The following TENM1 variants were observed in gnomAD, a reference collection of about 807,000 sequenced individuals.
TENM1 encodes teneurin transmembrane protein 1.
Under a neutral mutation model 174.8 loss-of-function variants are expected in TENM1, and 35 were observed. That is an observed-to-expected ratio of 0.20 (90% confidence interval 0.15 to 0.27). The LOEUF (loss-of-function observed/expected upper bound fraction) is 0.27, where lower values mean the gene tolerates loss of function less well. TENM1 is among the 10% of genes least tolerant of loss of function. TENM1 has a pLI of 1.00. For synonymous variants in TENM1, 781 were observed against 798.7 expected (o/e 0.98, Z 0.37); for missense variants, 1,633 against 2,130.1 (o/e 0.77, Z 4.59).
chrX:124,400,815 G>T (rs2060390632), intron 27 of TENM1, among the ~76,000 whole-genome samples: 1 of 112,053 alleles, frequency 8.9e-6, no homozygotes, highest in Admixed American at 9.4e-5. Context: ...ATTGTTATCT[G>T]CACTCTAATT....
chrX:124,601,319 C>T (rs1268248664), intron 11 of TENM1, among the ~76,000 whole-genome samples: 3 of 110,682 alleles, frequency 2.7e-5, no homozygotes, highest in Non-Finnish European at 3.8e-5. Context: ...GTCAAACTTA[C>T]GTGTGAGAGA....
intron 3 of TENM1, among the ~76,000 whole-genome samples, chrX:124,882,427 T>C (rs908359550): frequency 2.7e-5 from 3 of 111,826 alleles, no homozygotes; most frequent in African/African-American, 9.8e-5. Context: ...TCTCTCTAGA[T>C]GATCTGTCTA....
rs1392342450 is a variant in TENM1 at position 124,420,690 on chromosome X, G to C, written c.4603C>G (p.Leu1535Val). The change falls in exon 25 of 32, where the codon CTG (leucine) becomes GTG (valine). Residue 1535 changes from leucine (L) to valine (V), a missense_variant. By Grantham distance (32) the Leu-to-Val change is conservative (BLOSUM62 1). Transcript: ENST00000422452. ...ATCTCATAAATGTTCATGTCATTCA[G>C]GTGGGCTTGGTTCCTGCTGATGGTA... 6 of 1,210,179 alleles carry C rather than the reference G, an allele frequency of 5.0e-6. No individual in the cohort carries two copies. The highest frequency in any genetic ancestry group is 2.2e-5 in the Admixed American group (1 of 45,804).
chrX:124,502,185 A>G (rs1315742592), intron 19 of TENM1, among the ~76,000 whole-genome samples: 1 of 112,653 alleles, frequency 8.9e-6, no homozygotes, highest in African/African-American at 3.2e-5. Context: ...TGTATAAATT[A>G]TACTTCAATA....
chrX:125,175,751 G>A, the TENM1 span, among the ~76,000 whole-genome samples: 1 of 110,491 alleles, frequency 9.1e-6, no homozygotes, highest in Admixed American at 9.7e-5. Flanking sequence ...AAAAAATAAG[G>A]GGAGGCGAAA....
chrX:124,814,660 T>C (rs1298122208), intron 3 of TENM1, among the ~76,000 whole-genome samples: 1 of 111,569 alleles, frequency 9.0e-6, no homozygotes, highest in Non-Finnish European at 1.9e-5. Flanking sequence ...AGTTCTTCCA[T>C]GGCCTGCGTA....
At chrX:124,949,174 T>C (rs915108698) in intron 1 of TENM1, among the ~76,000 whole-genome samples, 1 of 111,242 alleles carries the variant, frequency 9.0e-6, no homozygotes, top group African/African-American at 3.3e-5. Context: ...TGGCTGAAAC[T>C]GGCAATCTGT....
At chrX:124,804,042 T>G (rs967091949) in intron 3 of TENM1, among the ~76,000 whole-genome samples, 1 of 111,933 alleles carries the variant, frequency 8.9e-6, no homozygotes, top group Non-Finnish European at 1.9e-5. Context: ...AAATCTTAAT[T>G]GGCAGTAATT....
intron 23 of TENM1, among the ~76,000 whole-genome samples, chrX:124,442,989 T>A (rs1410146178): frequency 1.9e-5 from 2 of 107,801 alleles, no homozygotes; most frequent in Non-Finnish European, 3.8e-5. Flanking sequence ...ACTACTGTTT[T>A]TTTTTTTCTT....
the TENM1 span, among the ~76,000 whole-genome samples, chrX:125,037,089 G>T: frequency 1.8e-5 from 2 of 111,431 alleles, no homozygotes; most frequent in Non-Finnish European, 3.8e-5. Context: ...AGGATATTTT[G>T]ATTCAATGAG....
chrX:124,802,993 A>G (rs1055864160), intron 3 of TENM1, among the ~76,000 whole-genome samples: 4 of 112,160 alleles, frequency 3.6e-5, no homozygotes, highest in African/African-American at 1.3e-4. Context: ...ATATTTTTAA[A>G]GAGGCAAAAA....
At chrX:124,761,741 G>T (rs1247800031) in intron 3 of TENM1, among the ~76,000 whole-genome samples, 1 of 111,239 alleles carries the variant, frequency 9.0e-6, no homozygotes, top group African/African-American at 3.3e-5. Context: ...CCATTGTTTT[G>T]TAGCATGTTT....
chrX:125,200,648 T>TGAGAGA, the TENM1 span, among the ~76,000 whole-genome samples: 4 of 60,143 alleles, frequency 6.7e-5, no homozygotes, highest in African/African-American at 3.4e-4. Flanking sequence ...TGTGTGTGTG[T>TGAGAGA]GTGTGTGAGA....
At chrX:125,160,098 G>T in the TENM1 span, among the ~76,000 whole-genome samples, 1 of 108,739 alleles carries the variant, frequency 9.2e-6, no homozygotes, top group South Asian at 4.1e-4. Flanking sequence ...TACTCGGGAG[G>T]CTGAGGCAGG....
chrX:124,888,299 A>G (rs1439269979), intron 3 of TENM1, among the ~76,000 whole-genome samples: 1 of 111,620 alleles, frequency 9.0e-6, no homozygotes, highest in African/African-American at 3.3e-5. Flanking sequence ...CCTTACCTGT[A>G]AAGTTGCTGA....
At chrX:125,085,041 C>A in the TENM1 span, among the ~76,000 whole-genome samples, 1 of 110,411 alleles carries the variant, frequency 9.1e-6, no homozygotes, top group Admixed American at 9.7e-5. Context: ...ATAAAAGCAT[C>A]ATTCCTACCC....
chrX:124,805,506 T>C (rs745949040), intron 3 of TENM1, among the ~76,000 whole-genome samples: 7 of 112,962 alleles, frequency 6.2e-5, no homozygotes, highest in Non-Finnish European at 1.3e-4. Context: ...ATGAAGTATC[T>C]ATGGACTAAG....
intron 13 of TENM1, among the ~76,000 whole-genome samples, chrX:124,562,558 G>C (rs1164461574): frequency 6.2e-5 from 7 of 112,776 alleles, no homozygotes; most frequent in African/African-American, 1.9e-4. Flanking sequence ...AAAATATCAA[G>C]TCAAGAGGAA....
At chrX:125,200,654 T>TGTGTGAGAGAGAGAGAGAGAGAGAGAGA in the TENM1 span, among the ~76,000 whole-genome samples, 4 of 92,424 alleles carry the variant, frequency 4.3e-5, no homozygotes, top group African/African-American at 1.7e-4. Flanking sequence ...TGTGTGTGTG[T>TGTGTGAGAGAGAGAGAGAGAGAGAGAGA]GAGAGAGAGA....
Sources: gnomAD v4.1 joint callset for allele counts (sites outside exome capture counted in the v4.1 genomes callset) on GRCh38, gnomAD v4.1.1 for gene constraint, MANE v1.5 for transcripts, NCBI Gene and HGNC (gene_info 2026-07-23, HGNC 2026-07-21) for gene names.